The following PPP1R12B variants were observed in gnomAD, a reference collection of about 807,000 sequenced individuals.
The protein encoded by PPP1R12B is protein phosphatase 1 regulatory subunit 12B.
A neutral mutation model predicts 126.1 loss-of-function variants in PPP1R12B; 76 were observed. The ratio of observed to expected loss-of-function variants is 0.60; its 90% confidence interval spans 0.50 to 0.73. PPP1R12B has a LOEUF of 0.73. Among genes scored for constraint, PPP1R12B ranks in the 30% least tolerant of loss-of-function variants. The pLI is 0.00. For missense variants in PPP1R12B, 1,052 were observed against 1,205.1 expected (o/e 0.87, Z 1.88); for synonymous variants, 356 against 434.7 (o/e 0.82, Z 2.25).
chr1:202,471,977 A>G, intron 13 of PPP1R12B: 2 of 1,596,594 alleles, frequency 1.3e-6, no homozygotes, highest in South Asian at 1.1e-5. Flanking sequence ...GTGCATGGCT[A>G]AAGACCGTGG....
rs143021724 is a variant in PPP1R12B at position 202,488,597 on chromosome 1, G to T, written c.1915G>T (p.Ala639Ser). 65 of 1,612,068 alleles carry T rather than the reference G, an allele frequency of 4.0e-5. No individual in the cohort carries two copies. Among genetic ancestry groups the T allele is most frequent in the Non-Finnish European group, 5.9e-6 (7 of 1,178,996 alleles). The change falls in exon 14 of 24, where the codon GCT becomes TCT. Residue 639 changes from alanine (A) to serine (S), a missense_variant. Transcript: ENST00000608999. ...ESLRKARSRQ[A>S]RQTRRSTQGV... is the part of the protein sequence containing the mutation. ...TTTACGGAAAGCACGCTCCAGACAA[G>T]CTCGGCAGACACGAAGGTCTACTCA... is the stretch of plus-strand genomic sequence containing the variant.
chr1:202,455,482 C>A (rs1190042331), intron 13 of PPP1R12B, among the ~76,000 whole-genome samples: 1 of 152,108 alleles, frequency 6.6e-6, no homozygotes, highest in African/African-American at 2.4e-5. Context: ...TCTTTTGTGC[C>A]TGACTTCTTT....
intron 13 of PPP1R12B, among the ~76,000 whole-genome samples, chr1:202,450,754 G>A (rs1463106439): frequency 6.6e-6 from 1 of 152,108 alleles, no homozygotes; most frequent in Non-Finnish European, 1.5e-5. Context: ...ATGCTATTTT[G>A]GTTATAATAG....
At chr1:202,404,767 C>G (rs1184084434) in intron 1 of PPP1R12B, among the ~76,000 whole-genome samples, 5 of 152,210 alleles carry the variant, frequency 3.3e-5, no homozygotes, top group African/African-American at 4.8e-5. Context: ...TCCCGGAGTG[C>G]TGGGATTACA....
chr1:202,405,476 G>C (rs1033865030), intron 1 of PPP1R12B, among the ~76,000 whole-genome samples: 2 of 152,164 alleles, frequency 1.3e-5, no homozygotes, highest in Non-Finnish European at 2.9e-5. Context: ...GTAGAAAGGA[G>C]GGTCCCTTGT....
In PPP1R12B at chr1:202,381,434, G is replaced by GTA. The variant is rs1553268867; in HGVS notation, c.291+32293_291+32294insAT. Reference sequence around the variant, plus strand: ...TGTGTGTGTGTGTGTGTGTGTGTGTGTGTATCATCCCTCAACTGCCTCCTC... The same window carrying GTA: ...TGTGTGTGTGTGTGTGTGTGTGTGTGTATGTATCATCCCTCAACTGCCTCCTC... On this transcript the variant is annotated intron_variant, in intron 1 of 23. Coordinates refer to ENST00000608999, the MANE Select transcript of PPP1R12B (RefSeq NM_002481.4). Among the ~76,000 whole-genome samples the GTA allele has an allele frequency of 2.9e-4, 38 of 131,230 alleles. 1 individual carries two copies. The highest frequency in any genetic ancestry group is 2.0e-3 in the East Asian group (9 of 4,560). 86.1% of individuals were successfully genotyped at this position (131,230 alleles called of 152,430 possible).
Position 202,580,637 on chromosome 1 carries a change from C to A in PPP1R12B, c.*77C>A. 2 of 1,227,798 alleles carry A rather than the reference C, an allele frequency of 1.6e-6. No homozygotes were observed. The highest frequency in any genetic ancestry group is 2.4e-6 in the Non-Finnish European group (2 of 834,798). The allele number at this position is 1,227,798 out of a possible 1,614,324, so 76.1% of individuals were successfully genotyped here. On this transcript the variant is annotated 3_prime_UTR_variant, in exon 24 of 24. Coordinates refer to ENST00000608999, the MANE Select transcript of PPP1R12B (RefSeq NM_002481.4). ...CCCCTCTTTTCCAGTCCTTGCCTTC[C>A]AACCAAAAGAAATGGATGTTTTGGT...
At position 202,493,167 on chromosome 1, in the gene PPP1R12B, G is replaced by A. The variant is rs1356893946; in HGVS notation, c.1995G>A (p.Arg665=). Reference sequence around the variant, plus strand: ...CAGAAAGGACATTCAGCCGGTCGAGGGCAGAGAGGCAAGCTCAGGAGCAGC... The same window carrying A: ...CAGAAAGGACATTCAGCCGGTCGAGAGCAGAGAGGCAAGCTCAGGAGCAGC... The part of the protein sequence containing the change: ...QEAERTFSRS[R]AERQAQEQPR... Residue 665 remains arginine, a synonymous_variant, in exon 15 of 24, where the codon AGG becomes AGA. Coordinates refer to ENST00000608999, the MANE Select transcript of PPP1R12B (RefSeq NM_002481.4). 5 of 1,612,218 alleles carry A rather than the reference G, an allele frequency of 3.1e-6. No homozygotes were observed. In the Admixed American group the frequency reaches 5.0e-5, roughly 16 times the overall value.
At chr1:202,386,562 A>G (rs984568168) in intron 1 of PPP1R12B, among the ~76,000 whole-genome samples, 1 of 151,738 alleles carries the variant, frequency 6.6e-6, no homozygotes, top group African/African-American at 2.4e-5. Context: ...CTCGTGATCC[A>G]CCTGCCTCGG....
chr1:202,460,145 C>T (rs917118077), intron 13 of PPP1R12B, among the ~76,000 whole-genome samples: 9 of 152,186 alleles, frequency 5.9e-5, no homozygotes, highest in African/African-American at 2.2e-4. Flanking sequence ...TTCTCTCTCA[C>T]CCAACCCTGA....
chr1:202,361,417 AAGAG>A (rs896754655), intron 1 of PPP1R12B, among the ~76,000 whole-genome samples: 3 of 152,198 alleles, frequency 2.0e-5, no homozygotes, highest in African/African-American at 4.8e-5. Flanking sequence ...GAGCAGGAGA[AAGAG>A]AGAGAGGTGG....
At chr1:202,393,110 C>T (rs1664387059) in intron 1 of PPP1R12B, among the ~76,000 whole-genome samples, 2 of 151,882 alleles carry the variant, frequency 1.3e-5, no homozygotes, top group Non-Finnish European at 2.9e-5. Context: ...CAAGCCTGGC[C>T]AATTTTTTTG....
chr1:202,564,078 C>G (rs1687814490), intron 20 of PPP1R12B, among the ~76,000 whole-genome samples: 1 of 152,136 alleles, frequency 6.6e-6, no homozygotes, highest in South Asian at 2.1e-4. Flanking sequence ...ATAAAGAGTG[C>G]TTGTTCTGTT....
chr1:202,441,250 CT>C (rs1671572866), intron 11 of PPP1R12B, among the ~76,000 whole-genome samples: 1 of 152,208 alleles, frequency 6.6e-6, no homozygotes, highest in African/African-American at 2.4e-5. Context: ...TGAAGTATTG[CT>C]GCATCTCAGG....
intron 18 of PPP1R12B, among the ~76,000 whole-genome samples, chr1:202,520,831 A>C (rs1251382749): frequency 6.6e-6 from 1 of 152,204 alleles, no homozygotes. Context: ...TAAAAAATAC[A>C]TAGTTATTCT....
chr1:202,420,967 C>CTTTTTTTTTTTTTTT lies in PPP1R12B; in HGVS notation c.423-1646_423-1632dup, dbSNP rs56164548. ...CTATTGATTCTTTTCCCTCTGCCAACTTTTTTTTTTTTTTTTTTTTTGAGA... is the reference window on the plus strand; with the variant it reads ...CTATTGATTCTTTTCCCTCTGCCAACTTTTTTTTTTTTTTTTTTTTTTTTTTTTTTTTTTTTGAGA... On this transcript the variant is annotated intron_variant, in intron 2 of 23. Transcript: ENST00000608999. 2.9e-4 allele frequency among the ~76,000 whole-genome samples: 34 copies of CTTTTTTTTTTTTTTT among 118,558 alleles called. 1 individual carries two copies. Among genetic ancestry groups the CTTTTTTTTTTTTTTT allele is most frequent in the African/African-American group, 1.1e-3 (31 of 29,498 alleles). The allele number at this position is 118,558 out of a possible 152,430, so 77.8% of individuals were successfully genotyped here.
intron 1 of PPP1R12B, among the ~76,000 whole-genome samples, chr1:202,365,847 G>A (rs749013890): frequency 2.4e-4 from 37 of 151,856 alleles, no homozygotes; most frequent in Non-Finnish European, 5.1e-4. Context: ...AAAATTAGCT[G>A]GGCATGGTGG....
chr1:202,465,528 T>G (rs934880459), intron 13 of PPP1R12B, among the ~76,000 whole-genome samples: 1 of 152,212 alleles, frequency 6.6e-6, no homozygotes, highest in Non-Finnish European at 1.5e-5. Flanking sequence ...AGAGGTTGTC[T>G]TATGGGTCAT....
At chr1:202,436,565 C>G (rs779495444) in intron 9 of PPP1R12B, among the ~76,000 whole-genome samples, 5 of 152,134 alleles carry the variant, frequency 3.3e-5, no homozygotes, top group Non-Finnish European at 5.9e-5. Context: ...AGGTCCTGGA[C>G]CTCAGGAAGG....
Sources: gnomAD v4.1 joint callset for allele counts (sites outside exome capture counted in the v4.1 genomes callset) on GRCh38, gnomAD v4.1.1 for gene constraint, MANE v1.5 for transcripts, NCBI Gene and HGNC (gene_info 2026-07-23, HGNC 2026-07-21) for gene names.